Variants in SLC4A4 observed in about 807,000 individuals in gnomAD.
The protein encoded by SLC4A4 is electrogenic sodium bicarbonate cotransporter 1.
SLC4A4 carries 27 observed loss-of-function variants against 111.5 expected under a neutral mutation model. That is an observed-to-expected ratio of 0.24 (90% CI 0.18 to 0.33). The LOEUF is 0.33. SLC4A4 is among the 10% of genes least tolerant of loss of function. The pLI, the probability that SLC4A4 is intolerant of heterozygous loss-of-function variation, is 1.00. For synonymous variants in SLC4A4, 443 were observed against 463.4 expected (o/e 0.96, Z 0.57); for missense variants, 909 against 1,315.5 (o/e 0.69, Z 4.78).
In SLC4A4 at chr4:71,528,598, C is replaced by T. The variant is rs1578120210; in HGVS notation, c.2167-3464C>T. ...TTTTATATAGACATTGATATAGTAA[C>T]TCTTCTGACAGGAATTTATTCTAAG... On this transcript the variant is annotated intron_variant, in intron 16 of 25. Transcript: ENST00000264485. 5.9e-5 allele frequency among the ~76,000 whole-genome samples: 9 copies of T among 152,102 alleles called. No individual in the cohort carries two copies. The South Asian group carries it at 1.9e-3, about 32-fold the overall frequency.
intron 2 of SLC4A4, among the ~76,000 whole-genome samples, chr4:71,239,757 C>T (rs902419811): frequency 6.6e-6 from 1 of 152,098 alleles, no homozygotes; most frequent in Non-Finnish European, 1.5e-5. Context: ...AACCAAGTGC[C>T]AATTTTAATC....
chr4:71,338,765 G>C (rs1728637204), intron 3 of SLC4A4, among the ~76,000 whole-genome samples: 1 of 150,784 alleles, frequency 6.6e-6, no homozygotes, highest in African/African-American at 2.4e-5. Flanking sequence ...TGTTTTTCAA[G>C]TGCATTGAAG....
intron 7 of SLC4A4, among the ~76,000 whole-genome samples, chr4:71,426,741 T>C (rs1723179195): frequency 6.6e-6 from 1 of 152,128 alleles, no homozygotes; most frequent in Admixed American, 6.6e-5. Flanking sequence ...TATATTATAT[T>C]TATCTAAAGT....
chr4:71,186,633 T>C (rs1578563716), upstream of SLC4A4: 1 of 151,452 alleles, frequency 6.6e-6, no homozygotes. Context: ...CCGCCGCCGA[T>C]GCCCGGGCGG....
At chr4:71,345,745 C>T (rs1030873927) in intron 4 of SLC4A4, among the ~76,000 whole-genome samples, 3 of 152,102 alleles carry the variant, frequency 2.0e-5, no homozygotes, top group African/African-American at 7.2e-5. Context: ...CTTTTCTCTA[C>T]TGAATTACTT....
chr4:71,361,411 GA>G (rs754726979), intron 6 of SLC4A4, among the ~76,000 whole-genome samples: 47 of 152,334 alleles, frequency 3.1e-4, no homozygotes, highest in Middle Eastern at 3.4e-3. Flanking sequence ...AGGGAACAGT[GA>G]GGCAAGCTTT....
Position 71,560,152 on chromosome 4 carries a change from C to T in SLC4A4, c.2997C>T (p.Leu999=), listed in dbSNP as rs779188284. 3.7e-6 allele frequency: 6 copies of T among 1,611,284 alleles called. No homozygotes were observed. The East Asian group carries it at 8.9e-5, about 24-fold the overall frequency. ...GMDYLFSQHD[L]SFLDDVIPEK... is the part of the protein sequence containing the mutation. ...ACTACCTCTTCTCCCAGCACGACCT[C>T]AGCTTCCTGGATGATGTCATTCCAG... The change falls in exon 23 of 26, where the codon CTC becomes CTT. Residue 999 remains leucine (L), a synonymous_variant. Coordinates refer to ENST00000264485, the MANE Select transcript of SLC4A4 (RefSeq NM_001098484.3).
chr4:71,447,548 A>G (rs556353356), intron 8 of SLC4A4, 98 bp from the exon 9 acceptor site: 67 of 788,100 alleles, frequency 8.5e-5, no homozygotes, highest in Non-Finnish European at 1.4e-4. Flanking sequence ...TTCTAGACCT[A>G]ACCTTTTTAT....
chr4:71,197,815 C>G (rs570715589), intron 1 of SLC4A4, among the ~76,000 whole-genome samples: 20 of 152,206 alleles, frequency 1.3e-4, no homozygotes, highest in African/African-American at 4.8e-4. Context: ...TGTATAACCA[C>G]AGATTATAAA....
At chr4:71,377,391 A>G (rs1732508062) in intron 6 of SLC4A4, among the ~76,000 whole-genome samples, 1 of 152,192 alleles carries the variant, frequency 6.6e-6, no homozygotes, top group Non-Finnish European at 1.5e-5. Context: ...GATATCTACT[A>G]TGTGTTTGTG....
intron 15 of SLC4A4, 112 bp from the exon 16 acceptor site, chr4:71,497,389 C>T (rs553953150): frequency 3.4e-4 from 301 of 891,020 alleles, no homozygotes; most frequent in Non-Finnish European, 5.2e-4. Context: ...TGCTTATTTT[C>T]AAACTGTTTT....
At chr4:71,406,370 C>T (rs1720855213) in intron 7 of SLC4A4, among the ~76,000 whole-genome samples, 1 of 152,022 alleles carries the variant, frequency 6.6e-6, no homozygotes, top group South Asian at 2.1e-4. Context: ...TACTGCTCCC[C>T]AATTTCCCTC....
intron 16 of SLC4A4, among the ~76,000 whole-genome samples, chr4:71,513,668 A>G (rs559548175): frequency 6.6e-6 from 1 of 152,274 alleles, no homozygotes; most frequent in East Asian, 1.9e-4. Flanking sequence ...ACTGTGTTGA[A>G]TAGGAGTTGT....
At chr4:71,369,225 G>A (rs1731624120) in intron 6 of SLC4A4, among the ~76,000 whole-genome samples, 1 of 152,216 alleles carries the variant, frequency 6.6e-6, no homozygotes, top group Admixed American at 6.5e-5. Context: ...GTTACTGAGT[G>A]GAGGGAAACC....
At chr4:71,401,280 A>G (rs1264073028) in intron 7 of SLC4A4, among the ~76,000 whole-genome samples, 1 of 152,232 alleles carries the variant, frequency 6.6e-6, no homozygotes, top group African/African-American at 2.4e-5. Flanking sequence ...CTATGTGCTT[A>G]CGATTTCAGT....
At chr4:71,133,125 G>A (rs568531759) in intron 2 of SLC4A4, among the ~76,000 whole-genome samples, 1 of 152,254 alleles carries the variant, frequency 6.6e-6, no homozygotes, top group East Asian at 1.9e-4. Flanking sequence ...ATTTGGAAAT[G>A]AGTGATAGCA....
Position 71,135,681 on chromosome 4 carries a change from C to T in SLC4A4, c.-2+42889C>T, listed in dbSNP as rs547241343. Among the ~76,000 whole-genome samples the T allele has an allele frequency of 4.4e-4, 67 of 152,310 alleles. No homozygotes were observed. The South Asian group carries it at 9.1e-3, about 21-fold the overall frequency. On this transcript the variant is annotated intron_variant, in intron 2 of 26. Transcript: ENST00000649996. ...CACATTTTACAATAGATTTCTTGAA[C>T]TTATTTCTCCTAACTGAAATTTTGT...
At chr4:71,319,080 T>G (rs1432328439) in intron 3 of SLC4A4, among the ~76,000 whole-genome samples, 1 of 151,982 alleles carries the variant, frequency 6.6e-6, no homozygotes, top group Non-Finnish European at 1.5e-5. Flanking sequence ...TAAGTCAGAT[T>G]ACTACTTAAA....
intron 4 of SLC4A4, among the ~76,000 whole-genome samples, chr4:71,347,590 C>G (rs1237330795): frequency 2.0e-5 from 3 of 152,104 alleles, no homozygotes; most frequent in East Asian, 1.9e-4. Flanking sequence ...TTATACCATT[C>G]CCTTGGGGGA....
Sources: allele counts gnomAD v4.1 joint callset (sites outside exome capture counted in the v4.1 genomes callset), GRCh38; gene constraint gnomAD v4.1.1; transcripts MANE v1.5; gene names NCBI Gene and HGNC (gene_info 2026-07-23, HGNC 2026-07-21).